Variants in ZNF705G observed in about 807,000 individuals in gnomAD.
ZNF705G encodes the protein putative zinc finger protein 705G.
In ZNF705G, 23 loss-of-function variants were observed where a neutral mutation model predicts 19.6. The ratio of observed to expected loss-of-function variants is 1.17; its 90% CI spans 0.84 to 1.66. ZNF705G has a LOEUF of 1.66. ZNF705G is among the 40% of genes most tolerant of loss of function. ZNF705G has a pLI of 0.00. For missense variants in ZNF705G, 457 were observed against 354.4 expected (o/e 1.29, Z -2.32); for synonymous variants, 146 against 117.7 (o/e 1.24, Z -1.56).
intron 4 of ZNF705G, among the ~76,000 whole-genome samples, chr8:7,360,582 C>G (rs1806529273): frequency 6.7e-6 from 1 of 149,294 alleles, no homozygotes; most frequent in African/African-American, 2.6e-5. Context: ...GAGTCCATGC[C>G]TAAGTTCCAA....
chr8:7,362,020 C>G (rs1481569618), intron 3 of ZNF705G, among the ~76,000 whole-genome samples: 1 of 149,542 alleles, frequency 6.7e-6, no homozygotes, highest in Non-Finnish European at 1.5e-5. Context: ...TGATATGAAG[C>G]TTTCTGTTCT....
intron 2 of ZNF705G, among the ~76,000 whole-genome samples, chr8:7,369,598 A>G (rs1807007701): frequency 6.7e-6 from 1 of 149,738 alleles, no homozygotes; most frequent in Admixed American, 6.6e-5. Flanking sequence ...GTGTGCACTC[A>G]TATATTTATT....
At chr8:7,361,663 C>G (rs1320612723) in intron 3 of ZNF705G, among the ~76,000 whole-genome samples, 1 of 149,554 alleles carries the variant, frequency 6.7e-6, no homozygotes, top group Non-Finnish European at 1.5e-5. Context: ...AATTATTTCT[C>G]CAGATGAACC....
intron 2 of ZNF705G, among the ~76,000 whole-genome samples, chr8:7,364,739 T>G (rs1436801037): frequency 2.0e-5 from 3 of 149,434 alleles, no homozygotes; most frequent in Admixed American, 1.3e-4. Context: ...TCAACTTTTT[T>G]CTTATTCCTT....
rs1307331339 is a variant in ZNF705G, at chr8:7,355,793, T to C, written c.*2183A>G. On this transcript the variant is annotated 3_prime_UTR_variant, in exon 7 of 7. Transcript: ENST00000400156. ...TAAATTACATATTTAATTAAATAGATTAAACAATAAATAATGATATGAGCT... is the reference window on the plus strand; with the variant it reads ...TAAATTACATATTTAATTAAATAGACTAAACAATAAATAATGATATGAGCT... 1.3e-5 allele frequency: 2 copies of C among 149,590 alleles called. No homozygotes were observed. Among genetic ancestry groups the C allele is most frequent in the Admixed American group, 6.6e-5 (1 of 15,244 alleles). 9.3% of individuals were successfully genotyped at this position (149,590 alleles called of 1,614,324 possible). A position where few individuals can be genotyped will look rare whatever the true frequency, so the allele number is the denominator to read the frequency against.
At chr8:7,362,894 T>C in intron 3 of ZNF705G, 41 bp downstream of exon 3, 2 of 1,573,338 alleles carry the variant, frequency 1.3e-6, no homozygotes, top group East Asian at 2.2e-5. Flanking sequence ...TTGCCAGCAA[T>C]ATGGGTATAA....
chr8:7,382,096 CA>C (rs1203184277), intron 1 of ZNF705G, among the ~76,000 whole-genome samples: 1 of 151,900 alleles, frequency 6.6e-6, no homozygotes, highest in Non-Finnish European at 1.5e-5. Flanking sequence ...AAATGCCTTT[CA>C]GAAATAAAAT....
chr8:7,376,710 G>C (rs1310694910), intron 2 of ZNF705G, among the ~76,000 whole-genome samples: 1 of 150,196 alleles, frequency 6.7e-6, no homozygotes, highest in Non-Finnish European at 1.5e-5. Flanking sequence ...TGAAGTCTCA[G>C]GGTGTAACAA....
At chr8:7,379,714 A>T (rs1807403745) in intron 2 of ZNF705G, among the ~76,000 whole-genome samples, 1 of 147,162 alleles carries the variant, frequency 6.8e-6, no homozygotes, top group Admixed American at 6.6e-5. Context: ...GGACACTGCA[A>T]TCCTAGCCAA....
intron 2 of ZNF705G, among the ~76,000 whole-genome samples, chr8:7,380,060 A>T (rs1179764933): frequency 1.4e-5 from 2 of 142,898 alleles, no homozygotes; most frequent in Non-Finnish European, 3.0e-5. Flanking sequence ...CCTACACTCC[A>T]GGGAACTGGC....
chr8:7,366,394 T>C (rs1806859201), intron 2 of ZNF705G, among the ~76,000 whole-genome samples: 1 of 149,462 alleles, frequency 6.7e-6, no homozygotes, highest in Non-Finnish European at 1.5e-5. Context: ...GCATACAAAG[T>C]TTGTGTAACA....
In ZNF705G at chr8:7,365,432, G is replaced by A. The variant is rs1430159096; in HGVS notation, c.-71-2415C>T. On this transcript the variant is annotated intron_variant, in intron 2 of 6. Transcript: ENST00000400156. ...TCACTCTTGTTGCCCAGGCTGGAGT[G>A]CAGTGGCGCGATCTCGGCTCACCGC... Among the ~76,000 whole-genome samples, 7 of 142,310 alleles carry A rather than the reference G, an allele frequency of 4.9e-5. 2 individuals are homozygous for A. The highest frequency in any genetic ancestry group is 1.4e-4 in the African/African-American group (5 of 34,578). The allele number at this position is 142,310 out of a possible 152,430, so 93.4% of individuals were successfully genotyped here.
chr8:7,381,301 T>C (rs1301470301), intron 2 of ZNF705G, among the ~76,000 whole-genome samples, 151 bp downstream of exon 2: 18 of 84,804 alleles, frequency 2.1e-4, no homozygotes, highest in South Asian at 4.2e-4. Context: ...ATTTGTAAAA[T>C]GAAATTTGTT....
chr8:7,383,563 T>C (rs772116787), intron 1 of ZNF705G, among the ~76,000 whole-genome samples: 1 of 146,600 alleles, frequency 6.8e-6, no homozygotes, highest in African/African-American at 2.8e-5. Flanking sequence ...GGTAAGGAAG[T>C]GCTGTGGCCT....
intron 2 of ZNF705G, among the ~76,000 whole-genome samples, chr8:7,371,479 C>G (rs1436884091): frequency 1.1e-5 from 1 of 90,466 alleles, no homozygotes; most frequent in African/African-American, 4.9e-5. Context: ...ATATTTCTTA[C>G]CAAAAAAATA....
chr8:7,367,119 T>C (rs535713859), intron 2 of ZNF705G, among the ~76,000 whole-genome samples: 17 of 149,566 alleles, frequency 1.1e-4, no homozygotes, highest in Middle Eastern at 3.4e-3. Context: ...ACACAGAATA[T>C]GAGAATGTGA....
At chr8:7,365,790 T>A (rs1806829394) in intron 2 of ZNF705G, among the ~76,000 whole-genome samples, 1 of 149,666 alleles carries the variant, frequency 6.7e-6, no homozygotes, top group Admixed American at 6.6e-5. Flanking sequence ...CTTTCACGGC[T>A]ATTTAGACAC....
In ZNF705G at chr8:7,358,984, G is replaced by T. The variant is rs559626721; in HGVS notation, c.319-424C>A. Among the ~76,000 whole-genome samples the T allele has an allele frequency of 3.2e-4, 48 of 149,642 alleles. 4 individuals are homozygous for T. The highest frequency in any genetic ancestry group is 1.2e-3 in the African/African-American group (47 of 39,102). On this transcript the variant is annotated intron_variant, in intron 6 of 6. Transcript: ENST00000400156. ...CTCCCTGCCCCATTTTGCCTATGTT[G>T]TCTTATGTAAAATGCAGCTTTCCTG... is the stretch of plus-strand genomic sequence containing the variant.
chr8:7,360,458 G>C, intron 4 of ZNF705G, 126 bp from the exon 5 acceptor site: 1 of 1,448,240 alleles, frequency 6.9e-7, no homozygotes, highest in African/African-American at 1.7e-5. Context: ...ACAAGACCTA[G>C]AACACAGAAA....
Sources: gnomAD v4.1 joint callset for allele counts (sites outside exome capture counted in the v4.1 genomes callset) on GRCh38, gnomAD v4.1.1 for gene constraint, MANE v1.5 for transcripts, NCBI Gene and HGNC (gene_info 2026-07-23, HGNC 2026-07-21) for gene names.